ZSWIM6: variants seen among roughly 807,000 people sequenced by gnomAD.
ZSWIM6 encodes zinc finger SWIM-type containing 6.
ZSWIM6 carries 9 observed loss-of-function variants against 113.2 expected under a neutral mutation model. That is an observed-to-expected ratio of 0.08 (90% CI 0.05 to 0.14). ZSWIM6 has a LOEUF of 0.14. ZSWIM6 is among the 10% of genes least tolerant of loss of function. ZSWIM6 has a pLI of 1.00. For missense variants in ZSWIM6, 1,162 were observed against 1,552.2 expected (o/e 0.75, Z 4.22); for synonymous variants, 611 against 606.5 (o/e 1.01, Z -0.11).
At chr5:61,422,245 A>G (rs1190293369) in intron 1 of ZSWIM6, among the ~76,000 whole-genome samples, 9 of 152,170 alleles carry the variant, frequency 5.9e-5, no homozygotes, top group Non-Finnish European at 1.5e-5. Context: ...ATTTTTGTAT[A>G]TGGTGAGAGA....
intron 1 of ZSWIM6, among the ~76,000 whole-genome samples, chr5:61,457,133 C>T (rs894329388): frequency 1.1e-4 from 17 of 151,756 alleles, no homozygotes; most frequent in African/African-American, 3.6e-4. Flanking sequence ...TCATTTCCCA[C>T]CTATGAGTGA....
chr5:61,476,746 G>A (rs557267853), intron 2 of ZSWIM6, among the ~76,000 whole-genome samples: 17 of 152,164 alleles, frequency 1.1e-4, no homozygotes, highest in African/African-American at 2.6e-4. Context: ...AATTAACTTC[G>A]TCTTTTCTGT....
At chr5:61,337,723 C>T (rs1157809020) in intron 1 of ZSWIM6, among the ~76,000 whole-genome samples, 3 of 152,142 alleles carry the variant, frequency 2.0e-5, no homozygotes, top group South Asian at 2.1e-4. Flanking sequence ...AACAAAAATA[C>T]TTGCATATAG....
At chr5:61,513,519 T>C (rs1748845238) in intron 4 of ZSWIM6, among the ~76,000 whole-genome samples, 1 of 152,148 alleles carries the variant, frequency 6.6e-6, no homozygotes. Flanking sequence ...TGGGTCATGC[T>C]TTTGATTTTG....
chr5:61,491,536 A>G (rs1225060996), intron 3 of ZSWIM6, among the ~76,000 whole-genome samples: 1 of 152,074 alleles, frequency 6.6e-6, no homozygotes, highest in African/African-American at 2.4e-5. Flanking sequence ...GTTCATCTTC[A>G]TCATTAAAAA....
chr5:61,353,093 T>C (rs1215561529), intron 1 of ZSWIM6, among the ~76,000 whole-genome samples: 1 of 152,170 alleles, frequency 6.6e-6, no homozygotes, highest in Admixed American at 6.5e-5. Context: ...CTTTGCTTCC[T>C]CAAGTTAACA....
chr5:61,402,102 A>G (rs556018346), intron 1 of ZSWIM6, among the ~76,000 whole-genome samples: 87 of 152,222 alleles, frequency 5.7e-4, no homozygotes, highest in African/African-American at 2.0e-3. Flanking sequence ...ATGATTTCTT[A>G]TCATCTTGTC....
chr5:61,472,863 G>C lies in ZSWIM6; in HGVS notation c.859G>C (p.Asp287His). The part of the protein sequence containing the change: ...ALSLYRIRKP[D>H]QVKLHLPISE... ...GTCTTTATACCGCATCCGCAAGCCA[G>C]ATCAGGTCAAACTGCATCTTCCTAT... The change falls in exon 2 of 14, where the codon GAT (aspartate) becomes CAT (histidine). Residue 287 changes from aspartate (D) to histidine (H), a missense_variant. This residue lies in a region of ZSWIM6 where 96 missense variants were observed against 240.3 expected (regional missense o/e 0.40). Coordinates refer to ENST00000252744, the MANE Select transcript of ZSWIM6 (RefSeq NM_020928.2). The surrounding 1 kb of genome is among the most constrained non-coding windows in gnomAD (Gnocchi z 4.1). 1 of 1,551,692 alleles carries C rather than the reference G, an allele frequency of 6.4e-7. No homozygotes were observed. Among genetic ancestry groups the C allele is most frequent in the African/African-American group, 1.4e-5 (1 of 73,158 alleles).
chr5:61,487,700 G>A (rs1413254247), intron 2 of ZSWIM6, among the ~76,000 whole-genome samples: 1 of 151,972 alleles, frequency 6.6e-6, no homozygotes, highest in Non-Finnish European at 1.5e-5. Flanking sequence ...TTGGCGTATA[G>A]AAACACTACT....
At chr5:61,448,064 C>A (rs965894087) in intron 1 of ZSWIM6, among the ~76,000 whole-genome samples, 3 of 152,100 alleles carry the variant, frequency 2.0e-5, no homozygotes, top group Non-Finnish European at 4.4e-5. Flanking sequence ...TTCTGGGAGA[C>A]CTGATGGTTT....
intron 1 of ZSWIM6, among the ~76,000 whole-genome samples, chr5:61,413,946 G>T (rs972224470): frequency 2.0e-5 from 3 of 151,452 alleles, no homozygotes; most frequent in African/African-American, 7.3e-5. Flanking sequence ...TGGGGTGGGG[G>T]TGGGGCGACC....
At chr5:61,390,693 C>G (rs939356571) in intron 1 of ZSWIM6, 3 of 864,206 alleles carry the variant, frequency 3.5e-6, no homozygotes, top group Non-Finnish European at 5.9e-6. Flanking sequence ...CTTTGCAATT[C>G]GGTCTTTCTT....
Position 61,365,661 on chromosome 5 carries a change from C to A in ZSWIM6, c.676+32713C>A, listed in dbSNP as rs569647982. ...TCACAGTAAACAGTGTGATTATGTT[C>A]TCTTCTACCACTTAGCGGTTTTCAG... On this transcript the variant is annotated intron_variant, in intron 1 of 13. Transcript: ENST00000252744. Among the ~76,000 whole-genome samples, 3 of 152,242 alleles carry A rather than the reference C, an allele frequency of 2.0e-5. No homozygotes were observed. In the East Asian group the frequency reaches 5.8e-4, roughly 29 times the overall value.
intron 1 of ZSWIM6, chr5:61,375,597 G>T: frequency 1.3e-6 from 2 of 1,532,788 alleles, no homozygotes; most frequent in Non-Finnish European, 1.8e-6. Flanking sequence ...AAAAGAAAAA[G>T]AAGTCAAAAG....
chr5:61,546,010 A>C lies in ZSWIM6; in HGVS notation c.*1693A>C, dbSNP rs1031570997. 7 of 152,208 alleles carry C rather than the reference A, an allele frequency of 4.6e-5. No individual in the cohort carries two copies. The highest frequency in any genetic ancestry group is 6.5e-5 in the Admixed American group (1 of 15,280). The allele number at this position is 152,208 out of a possible 1,614,324, so 9.4% of individuals were successfully genotyped here. On this transcript the variant is annotated 3_prime_UTR_variant, in exon 14 of 14. Coordinates refer to ENST00000252744, the MANE Select transcript of ZSWIM6 (RefSeq NM_020928.2). ...ATTATAATAGGTAAAAAGAAAAAAA[A>C]AGGTTGTAATTCATCACCCATGTAA...
intron 1 of ZSWIM6, among the ~76,000 whole-genome samples, chr5:61,400,087 T>G (rs1745913896): frequency 6.6e-6 from 1 of 152,192 alleles, no homozygotes; most frequent in African/African-American, 2.4e-5. Flanking sequence ...CATTTGTCTG[T>G]GTTCAGCCTT....
At chr5:61,361,849 T>G (rs1745037432) in intron 1 of ZSWIM6, among the ~76,000 whole-genome samples, 2 of 152,230 alleles carry the variant, frequency 1.3e-5, no homozygotes, top group Admixed American at 1.3e-4. Context: ...AGTGTGAAAT[T>G]TGCAAGAAGA....
intron 1 of ZSWIM6, among the ~76,000 whole-genome samples, chr5:61,398,141 C>T (rs1207552603): frequency 6.6e-6 from 1 of 152,132 alleles, no homozygotes; most frequent in Non-Finnish European, 1.5e-5. Context: ...GGTCCCCAAC[C>T]CCTGGGGCCA....
chr5:61,487,656 C>T (rs1403735385), intron 2 of ZSWIM6, among the ~76,000 whole-genome samples: 1 of 151,372 alleles, frequency 6.6e-6, no homozygotes, highest in Admixed American at 6.6e-5. Flanking sequence ...TGGTACTTAC[C>T]GTAAGTAGGA....
Sources: gnomAD v4.1 joint callset for allele counts (sites outside exome capture counted in the v4.1 genomes callset) on GRCh38, gnomAD v4.1.1 for gene constraint, gnomAD v4.1.1 regional missense constraint, Gnocchi (gnomAD v3.1) non-coding constraint, MANE v1.5 for transcripts, NCBI Gene and HGNC (gene_info 2026-07-23, HGNC 2026-07-21) for gene names.